RBFOX1: variants seen among roughly 807,000 people sequenced by gnomAD.
The protein encoded by RBFOX1 is RNA binding protein fox-1 homolog 1.
A neutral mutation model predicts 57.7 loss-of-function variants in RBFOX1; 8 were observed. The ratio of observed to expected loss-of-function variants is 0.14; its 90% CI spans 0.08 to 0.25. The LOEUF is 0.25. RBFOX1 is among the 10% of genes least tolerant of loss of function. The probability of loss-of-function intolerance (pLI) is 1.00; values close to 1 mark genes in which losing one functional copy is unlikely to be tolerated. For synonymous variants in RBFOX1, 326 were observed against 222.4 expected (o/e 1.47, Z -4.15); for missense variants, 611 against 548.5 (o/e 1.11, Z -1.14).
chr16:7,002,250 A>C (rs546182754), intron 3 of RBFOX1, among the ~76,000 whole-genome samples: 1 of 152,308 alleles, frequency 6.6e-6, no homozygotes, highest in South Asian at 2.1e-4. Context: ...ACAGCGGTGC[A>C]TGAAGTTAAT....
At chr16:7,159,441 A>G (rs1369951478) in intron 4 of RBFOX1, among the ~76,000 whole-genome samples, 1 of 152,112 alleles carries the variant, frequency 6.6e-6, no homozygotes, top group Non-Finnish European at 1.5e-5. Flanking sequence ...CACTCTAGAG[A>G]TCAGTATCCA....
intron 4 of RBFOX1, among the ~76,000 whole-genome samples, chr16:5,968,796 C>A (rs1035399040): frequency 1.3e-5 from 2 of 151,850 alleles, no homozygotes; most frequent in Non-Finnish European, 2.9e-5. Flanking sequence ...AGAATTTGTT[C>A]TTTTCTCTTG....
At chr16:6,744,902 T>C (rs1470971962) in intron 3 of RBFOX1, among the ~76,000 whole-genome samples, 1 of 152,016 alleles carries the variant, frequency 6.6e-6, no homozygotes, top group African/African-American at 2.4e-5. Flanking sequence ...CAAAAGCTGG[T>C]GTTTTGAGAA....
At chr16:6,022,194 C>G (rs1029826172) in intron 1 of RBFOX1, among the ~76,000 whole-genome samples, 6 of 152,002 alleles carry the variant, frequency 3.9e-5, no homozygotes, top group East Asian at 1.9e-4. Flanking sequence ...TTCTTCTGAC[C>G]CACTGAAAGG....
intron 3 of RBFOX1, among the ~76,000 whole-genome samples, chr16:5,637,751 G>A (rs1036726676): frequency 6.6e-6 from 1 of 152,158 alleles, no homozygotes; most frequent in African/African-American, 2.4e-5. Context: ...CAGGCAACAG[G>A]AAGAGAGAGC....
At chr16:6,649,871 A>G (rs1041341094) in intron 2 of RBFOX1, among the ~76,000 whole-genome samples, 7 of 152,178 alleles carry the variant, frequency 4.6e-5, no homozygotes, top group African/African-American at 1.4e-4. Context: ...ATCTATGTAT[A>G]GTATTCCAAT....
intron 4 of RBFOX1, among the ~76,000 whole-genome samples, chr16:5,990,046 C>T (rs1596355492): frequency 4.6e-5 from 7 of 152,074 alleles, no homozygotes; most frequent in Admixed American, 3.9e-4. Flanking sequence ...GCTGGAGTGG[C>T]GCTATCATGG....
At position 7,534,456 on chromosome 16, in the gene RBFOX1, A is replaced by G. The variant is rs139615770; in HGVS notation, c.270+16067A>G. 5.3e-5 allele frequency among the ~76,000 whole-genome samples: 8 copies of G among 152,198 alleles called. No individual in the cohort carries two copies. In the East Asian group the frequency reaches 1.4e-3, roughly 26 times the overall value. ...AGCCAATGATTAACTAAAATAGGCA[A>G]CTGATGCCTTTCTCTGAAGCTTACG... On this transcript the variant is annotated intron_variant, in intron 5 of 15. Coordinates refer to ENST00000550418, the MANE Select transcript of RBFOX1 (RefSeq NM_018723.4).
intron 3 of RBFOX1, among the ~76,000 whole-genome samples, chr16:6,963,994 A>T (rs1470018120): frequency 6.7e-6 from 1 of 149,360 alleles, no homozygotes; most frequent in Non-Finnish European, 1.5e-5. Flanking sequence ...CACTGCGCCC[A>T]GCCCCGGATT....
chr16:7,187,410 C>T (rs772838924), intron 4 of RBFOX1, among the ~76,000 whole-genome samples: 8 of 151,898 alleles, frequency 5.3e-5, no homozygotes, highest in Admixed American at 3.3e-4. Context: ...AAGCCCTTGG[C>T]CAGGCACGGT....
intron 3 of RBFOX1, among the ~76,000 whole-genome samples, chr16:6,742,388 G>A (rs2072447357): frequency 6.6e-6 from 1 of 152,136 alleles, no homozygotes; most frequent in Admixed American, 6.5e-5. Context: ...TGATGGCAAT[G>A]CAAAATGACA....
chr16:7,482,395 G>A (rs1178538898), intron 4 of RBFOX1, among the ~76,000 whole-genome samples: 1 of 152,108 alleles, frequency 6.6e-6, no homozygotes, highest in Admixed American at 6.5e-5. Context: ...AGTGATTGCT[G>A]CGTCAGGGCC....
At chr16:7,708,904 CTCT>C (rs937978186) in intron 14 of RBFOX1, 149 bp from the exon 15 acceptor site, 6 of 656,950 alleles carry the variant, frequency 9.1e-6, no homozygotes, top group South Asian at 3.9e-5. Flanking sequence ...TACAGATGAA[CTCT>C]TCTTATACTA....
chr16:6,659,508 T>C (rs7192057), intron 3 of RBFOX1, among the ~76,000 whole-genome samples: 113,033 of 151,926 alleles, frequency 0.74, 42,123 homozygotes, highest in Admixed American at 0.78. Context: ...ACAGTTGTGG[T>C]GTGGAAGTAC....
intron 3 of RBFOX1, among the ~76,000 whole-genome samples, chr16:6,932,318 G>C (rs2076692992): frequency 1.3e-5 from 2 of 152,018 alleles, no homozygotes; most frequent in Non-Finnish European, 2.9e-5. Context: ...TGTTGGCCAA[G>C]CTGGTCTCAA....
chr16:6,006,170 A>G (rs932906270), intron 4 of RBFOX1, among the ~76,000 whole-genome samples: 1 of 152,174 alleles, frequency 6.6e-6, no homozygotes, highest in African/African-American at 2.4e-5. Flanking sequence ...TGGTAATAGC[A>G]CCCGGTTTCC....
At chr16:7,670,755 A>C (rs1247367733) in intron 13 of RBFOX1, among the ~76,000 whole-genome samples, 1 of 152,156 alleles carries the variant, frequency 6.6e-6, no homozygotes, top group East Asian at 1.9e-4. Flanking sequence ...CAGTCTCTTC[A>C]AGTGTTCAGC....
At chr16:7,207,743 C>G (rs2090288093) in intron 4 of RBFOX1, among the ~76,000 whole-genome samples, 1 of 152,238 alleles carries the variant, frequency 6.6e-6, no homozygotes, top group African/African-American at 2.4e-5. Flanking sequence ...GCCTCCAACA[C>G]AGCCAGGGTT....
intron 1 of RBFOX1, among the ~76,000 whole-genome samples, chr16:6,145,030 ATC>A (rs2096747020): frequency 6.6e-6 from 1 of 151,826 alleles, no homozygotes; most frequent in Admixed American, 6.6e-5. Context: ...TAATCATAGT[ATC>A]TCTTTTTTTT....
Sources: gnomAD v4.1 joint callset for allele counts (sites outside exome capture counted in the v4.1 genomes callset) on GRCh38, gnomAD v4.1.1 for gene constraint, MANE v1.5 for transcripts, NCBI Gene and HGNC (gene_info 2026-07-23, HGNC 2026-07-21) for gene names.